Variants in GRXCR2 observed in about 807,000 individuals in gnomAD.
GRXCR2 encodes glutaredoxin domain-containing cysteine-rich protein 2.
A neutral mutation model predicts 24.8 loss-of-function variants in GRXCR2; 23 were observed. That is an observed-to-expected ratio of 0.93 (90% confidence interval 0.67 to 1.32). The LOEUF (loss-of-function observed/expected upper bound fraction) is 1.32, where lower values mean the gene tolerates loss of function less well. Among genes scored for constraint, GRXCR2 ranks in the 40% most tolerant of loss-of-function variants. GRXCR2 has a pLI of 0.00. For missense variants in GRXCR2, 315 were observed against 303.4 expected, an observed-to-expected ratio of 1.04 and a Z score of -0.28; for synonymous variants, 130 against 116.1, an observed-to-expected ratio of 1.12 and a Z score of -0.77.
chr5:145,883,813 A>C (rs1271252168), intron 2 of GRXCR2, among the ~76,000 whole-genome samples: 1 of 152,176 alleles, frequency 6.6e-6, no homozygotes, highest in Non-Finnish European at 1.5e-5. Flanking sequence ...ACCTGAGCCC[A>C]GGAGGTCACA....
intron 2 of GRXCR2, among the ~76,000 whole-genome samples, chr5:145,882,200 C>T (rs1031731242): frequency 2.6e-5 from 4 of 152,104 alleles, no homozygotes; most frequent in African/African-American, 4.8e-5. Context: ...AGCTCCTGCA[C>T]GGCAAAAGAA....
intron 1 of GRXCR2, among the ~76,000 whole-genome samples, chr5:145,869,559 C>CTTT (rs398038865): frequency 0.035 from 4,872 of 137,510 alleles, 148 homozygotes; most frequent in Middle Eastern, 0.069. Flanking sequence ...CTCTCTCTCT[C>CTTT]TTTTTTTTTT....
intron 2 of GRXCR2, among the ~76,000 whole-genome samples, chr5:145,921,237 A>C (rs1757317036): frequency 6.6e-6 from 1 of 152,214 alleles, no homozygotes; most frequent in African/African-American, 2.4e-5. Flanking sequence ...TCTGTCTTTA[A>C]AGACCTCACA....
At chr5:145,925,726 A>G (rs187641701) in intron 2 of GRXCR2, among the ~76,000 whole-genome samples, 3 of 152,340 alleles carry the variant, frequency 2.0e-5, no homozygotes. Context: ...TGAATATCAT[A>G]TAACTAATAC....
At chr5:145,921,800 C>T (rs921170702) in intron 2 of GRXCR2, among the ~76,000 whole-genome samples, 1 of 152,144 alleles carries the variant, frequency 6.6e-6, no homozygotes, top group South Asian at 2.1e-4. Context: ...ATCTCTAAAA[C>T]CAAGTAGCAA....
chr5:145,905,937 G>C (rs1468970937), intron 2 of GRXCR2, among the ~76,000 whole-genome samples: 2 of 152,194 alleles, frequency 1.3e-5, no homozygotes, highest in Admixed American at 6.5e-5. Context: ...CTTGGTGAGA[G>C]AGAAAACCAG....
At chr5:145,869,295 T>C (rs1467254946) in intron 1 of GRXCR2, among the ~76,000 whole-genome samples, 5 of 152,234 alleles carry the variant, frequency 3.3e-5, no homozygotes, top group Non-Finnish European at 5.9e-5. Context: ...GATGAAATTA[T>C]GCAATATGTA....
At chr5:145,874,215 T>TA (rs201287635), upstream of GRXCR2, among the ~76,000 whole-genome samples, 2,024 of 151,626 alleles carry the variant, frequency 0.013, 39 homozygotes, top group African/African-American at 0.037. Context: ...TTTTATTTTT[T>TA]TTTTTTTGAG....
At chr5:145,861,194 C>G (rs1471644102) in intron 2 of GRXCR2, among the ~76,000 whole-genome samples, 1 of 152,180 alleles carries the variant, frequency 6.6e-6, no homozygotes, top group Admixed American at 6.5e-5. Flanking sequence ...GGACCCATGC[C>G]TCTGGTCTTG....
At chr5:145,871,520 G>A (rs1756531814) in intron 1 of GRXCR2, among the ~76,000 whole-genome samples, 1 of 152,172 alleles carries the variant, frequency 6.6e-6, no homozygotes, top group South Asian at 2.1e-4. Context: ...AAGACCCAAT[G>A]CCATAGATAT....
chr5:145,892,467 C>T (rs920046719), intron 2 of GRXCR2, among the ~76,000 whole-genome samples: 8 of 152,108 alleles, frequency 5.3e-5, no homozygotes, highest in Non-Finnish European at 7.4e-5. Flanking sequence ...AACCATGGCA[C>T]GAGAACTACA....
intron 2 of GRXCR2, among the ~76,000 whole-genome samples, chr5:145,891,761 T>C (rs1162770318): frequency 6.6e-6 from 1 of 152,190 alleles, no homozygotes; most frequent in Non-Finnish European, 1.5e-5. Flanking sequence ...TAAATGTCCC[T>C]GTCTGACAGC....
chr5:145,889,977 T>C (rs1051395933), intron 2 of GRXCR2, among the ~76,000 whole-genome samples: 1 of 152,348 alleles, frequency 6.6e-6, no homozygotes, highest in African/African-American at 2.4e-5. Flanking sequence ...CAAAATACAA[T>C]TGAAAGCTTT....
chr5:145,864,571 G>A (rs964227573), intron 2 of GRXCR2, among the ~76,000 whole-genome samples: 4 of 152,134 alleles, frequency 2.6e-5, no homozygotes, highest in Admixed American at 1.3e-4. Flanking sequence ...CTCGTGATAA[G>A]TGAGTTCTCA....
At chr5:145,899,031 G>T (rs1006869355) in intron 2 of GRXCR2, among the ~76,000 whole-genome samples, 5 of 151,772 alleles carry the variant, frequency 3.3e-5, no homozygotes, top group Non-Finnish European at 7.4e-5. Flanking sequence ...CCACCAAAAG[G>T]CTCTTGCAAC....
intron 2 of GRXCR2, 73 bp from the exon 3 acceptor site, chr5:145,859,988 A>G: frequency 8.0e-7 from 1 of 1,248,406 alleles, no homozygotes; most frequent in Non-Finnish European, 1.1e-6. Flanking sequence ...TCAAAACAGC[A>G]CTAGACTACA....
chr5:145,873,152 G>A (rs907211644), upstream of GRXCR2: 33 of 599,490 alleles, frequency 5.5e-5, no homozygotes, highest in Middle Eastern at 4.4e-4. Context: ...TCATGAAAAG[G>A]CAGGTGATTC....
intron 2 of GRXCR2, among the ~76,000 whole-genome samples, chr5:145,881,296 A>G (rs1756697420): frequency 6.6e-6 from 1 of 152,240 alleles, no homozygotes; most frequent in Non-Finnish European, 1.5e-5. Flanking sequence ...GTCTCAGCCC[A>G]AAATCTCCTT....
Position 145,921,246 on chromosome 5 carries a change from C to T in GRXCR2, c.-70+14455G>A, listed in dbSNP as rs528305686. Among the ~76,000 whole-genome samples, 37 of 152,330 alleles carry T rather than the reference C, an allele frequency of 2.4e-4. No individual in the cohort carries two copies. The East Asian group carries it at 7.1e-3, about 29-fold the overall frequency. ...GTTTAGTCTGTCTTTAAAGACCTCA[C>T]AGCCTCTCTGGGGCACACTTACACA... is the stretch of plus-strand genomic sequence containing the variant. On this transcript the variant is annotated intron_variant, in intron 2 of 3. Coordinates refer to the GRXCR2 transcript ENST00000639411.
Sources: allele counts gnomAD v4.1 joint callset (sites outside exome capture counted in the v4.1 genomes callset), GRCh38; gene constraint gnomAD v4.1.1; transcripts MANE v1.5; gene names NCBI Gene and HGNC (gene_info 2026-07-23, HGNC 2026-07-21).